CORO7: variants seen among roughly 807,000 people sequenced by gnomAD.
CORO7 encodes coronin-7.
In CORO7, 107 loss-of-function variants were observed where a neutral mutation model predicts 126.6. The ratio of observed to expected loss-of-function variants is 0.85; its 90% CI spans 0.72 to 0.99. CORO7 has a LOEUF of 0.99. CORO7 is among the 50% of genes least tolerant of loss of function. The pLI is 0.00. For missense variants in CORO7, 1,314 were observed against 1,255.8 expected, an observed-to-expected ratio of 1.05 and a Z score of -0.70; for synonymous variants, 603 against 536.8, an observed-to-expected ratio of 1.12 and a Z score of -1.70.
chr16:4,360,431 C>T lies in CORO7; in HGVS notation c.2022+13G>A. 6.2e-7 allele frequency: 1 copy of T among 1,612,944 alleles called. No individual in the cohort carries two copies. The highest frequency in any genetic ancestry group is 8.5e-7 in the Non-Finnish European group (1 of 1,179,862). ...CCAGGTCTGAGGCCACTCCCCAGCC[C>T]CTGTGTGCTCACCTGCAGGGGCTCA... On this transcript the variant is annotated intron_variant, in intron 20 of 27. Coordinates refer to ENST00000251166, the MANE Select transcript of CORO7 (RefSeq NM_024535.5).
chr16:4,355,289 C>G lies in CORO7; in HGVS notation c.2769G>C (p.Glu923Asp), dbSNP rs761547642. ...QDSFEGVDED[E>D]WD ...AGTGAGGCCACTCACTACTCACCCA[C>G]TCGTCCTCGTCCACGCCTTCAAAGG... The change falls in exon 27 of 28, where the codon GAG (glutamate) becomes GAC (aspartate). Residue 923 changes from glutamate (E) to aspartate (D), a missense_variant. Coordinates refer to ENST00000251166, the MANE Select transcript of CORO7 (RefSeq NM_024535.5). 6.2e-7 allele frequency: 1 copy of G among 1,613,464 alleles called. No individual in the cohort carries two copies. The highest frequency in any genetic ancestry group is 8.5e-7 in the Non-Finnish European group (1 of 1,179,928).
intron 1 of CORO7, among the ~76,000 whole-genome samples, chr16:4,414,720 G>A (rs899366730): frequency 1.3e-5 from 2 of 152,144 alleles, no homozygotes; most frequent in African/African-American, 2.4e-5. Flanking sequence ...ATCTGTTTAT[G>A]TTGCTGGACT....
intron 9 of CORO7, among the ~76,000 whole-genome samples, chr16:4,369,877 G>A (rs528307654): frequency 4.6e-5 from 7 of 152,056 alleles, no homozygotes; most frequent in Admixed American, 2.0e-4. Flanking sequence ...CCCCCGCTGT[G>A]TGCAGACTGC....
Position 4,354,978 on chromosome 16 carries a change from T to G in CORO7, c.*180A>C. 32 of 567,310 alleles carry G rather than the reference T, an allele frequency of 5.6e-5. No individual in the cohort carries two copies. The highest frequency in any genetic ancestry group is 2.2e-4 in the East Asian group (7 of 31,458). 35.1% of individuals were successfully genotyped at this position (567,310 alleles called of 1,614,324 possible). ...CAGCTGACCCCAGAGACAGCAGAGG[T>G]GAAAACAGTCCCTGGGAACTGCCAG... On this transcript the variant is annotated 3_prime_UTR_variant, in exon 28 of 28. Coordinates refer to ENST00000251166, the MANE Select transcript of CORO7 (RefSeq NM_024535.5).
At chr16:4,358,248 G>A in intron 24 of CORO7, 119 bp downstream of exon 24, 1 of 1,528,890 alleles carries the variant, frequency 6.5e-7, no homozygotes, top group East Asian at 2.3e-5. Flanking sequence ...GCAGAAGGGG[G>A]TAGGTGTCCC....
chr16:4,412,084 G>T (rs1271698124), intron 3 of CORO7, among the ~76,000 whole-genome samples: 1 of 151,976 alleles, frequency 6.6e-6, no homozygotes, highest in Non-Finnish European at 1.5e-5. Context: ...CAGGGAGCCA[G>T]CATCAGCCTG....
intron 2 of CORO7, chr16:4,412,869 T>G (rs2141336040): frequency 4.5e-6 from 1 of 221,080 alleles, no homozygotes; most frequent in East Asian, 1.1e-4. Flanking sequence ...TTAGTTAGGC[T>G]GAAACATTAT....
At chr16:4,410,336 G>A (rs1006408914) in intron 3 of CORO7, among the ~76,000 whole-genome samples, 3 of 152,066 alleles carry the variant, frequency 2.0e-5, no homozygotes, top group Non-Finnish European at 4.4e-5. Context: ...GAGGATAGAC[G>A]ATCCCTTGAG....
chr16:4,395,311 C>T lies in CORO7; in HGVS notation c.593G>A (p.Arg198Lys). ...KDKQLRIFDP[R>K]TKPRASQSTQ... Reference sequence around the variant, plus strand: ...CACCTGAGAGGCCCGCGGCTTTGTTCTGGGGTCAAAGATCCGCAGCTGCTT... The same window carrying T: ...CACCTGAGAGGCCCGCGGCTTTGTTTTGGGGTCAAAGATCCGCAGCTGCTT... Residue 198 changes from arginine (R) to lysine (K), a missense_variant, in exon 7 of 28, where the codon AGA (arginine) becomes AAA (lysine). Coordinates refer to ENST00000251166, the MANE Select transcript of CORO7 (RefSeq NM_024535.5). 1 of 1,614,082 alleles carries T rather than the reference C, an allele frequency of 6.2e-7. No homozygotes were observed. The highest frequency in any genetic ancestry group is 8.5e-7 in the Non-Finnish European group (1 of 1,180,020).
rs147804967 is a variant in CORO7, at chr16:4,396,870, G to T, written c.565-1531C>A. Among the ~76,000 whole-genome samples the T allele has an allele frequency of 1.1e-3, 170 of 151,798 alleles. 1 individual carries two copies. Among genetic ancestry groups the T allele is most frequent in the African/African-American group, 4.0e-3 (166 of 41,364 alleles). On this transcript the variant is annotated intron_variant, in intron 6 of 27. Coordinates refer to ENST00000251166, the MANE Select transcript of CORO7 (RefSeq NM_024535.5). ...GTTTCTACTGAAAATAAAAAAATTAGCCGGGCATGGTGGCAGGCACCTGTA... is the reference window on the plus strand; with the variant it reads ...GTTTCTACTGAAAATAAAAAAATTATCCGGGCATGGTGGCAGGCACCTGTA...
At position 4,355,375 on chromosome 16, in the gene CORO7, G is replaced by A. The variant is rs370101157; in HGVS notation, c.2686-3C>T. ...TTTGCCACCATGGCATTCAGCAGCT[G>A]GGAGAGAGGGCAGAAGAAGGGTAGG... On this transcript the variant is annotated splice_region_variant and splice_polypyrimidine_tract_variant and intron_variant, in intron 26 of 27. Coordinates refer to ENST00000251166, the MANE Select transcript of CORO7 (RefSeq NM_024535.5). 3 of 1,608,010 alleles carry A rather than the reference G, an allele frequency of 1.9e-6. No individual in the cohort carries two copies. In the African/African-American group the frequency reaches 4.0e-5, roughly 21 times the overall value.
intron 19 of CORO7, 54 bp downstream of exon 19, chr16:4,360,889 C>T (rs2054155279): frequency 7.0e-7 from 1 of 1,427,074 alleles, no homozygotes; most frequent in Non-Finnish European, 9.2e-7. Flanking sequence ...CACCTCTCCA[C>T]ACTGCTGGCC....
At chr16:4,413,888 G>C (rs1235723981) in intron 1 of CORO7, among the ~76,000 whole-genome samples, 1 of 151,188 alleles carries the variant, frequency 6.6e-6, no homozygotes, top group African/African-American at 2.4e-5. Context: ...AAGTCCCTTA[G>C]GAAATGTAAA....
intron 2 of CORO7, 114 bp downstream of exon 2, chr16:4,413,194 G>C (rs534465871): frequency 1.8e-6 from 2 of 1,113,996 alleles, no homozygotes; most frequent in African/African-American, 3.1e-5. Flanking sequence ...GCCCCCCAAA[G>C]CAGTTCCGTT....
chr16:4,414,016 A>C (rs1213560463), intron 1 of CORO7, among the ~76,000 whole-genome samples: 4 of 151,352 alleles, frequency 2.6e-5, no homozygotes, highest in East Asian at 2.0e-4. Flanking sequence ...GTGAAACCTT[A>C]TCTCTACTAA....
Position 4,362,822 on chromosome 16 carries a change from A to G in CORO7, c.1276-84T>C. 7.9e-7 allele frequency: 1 copy of G among 1,260,920 alleles called. No individual in the cohort carries two copies. 78.1% of individuals were successfully genotyped at this position (1,260,920 alleles called of 1,614,324 possible). A position where few individuals can be genotyped will look rare whatever the true frequency, so the allele number is the denominator to read the frequency against. On this transcript the variant is annotated intron_variant, in intron 14 of 27. Transcript: ENST00000251166. This position sits in a 1 kb window ranked among gnomAD's most constrained non-coding sequence, Gnocchi z 5.3. ...GGTGCCAGCGGACTCCAGGGTCACC[A>G]CTCTGGGCCCCCTGCGGACTGGAGG...
chr16:4,368,673 G>A (rs1440746568), intron 9 of CORO7, among the ~76,000 whole-genome samples: 3 of 151,690 alleles, frequency 2.0e-5, no homozygotes, highest in Non-Finnish European at 2.9e-5. Context: ...ACTTGAACCC[G>A]GGAGGCGGAG....
At chr16:4,378,964 C>T (rs1266764952) in intron 9 of CORO7, among the ~76,000 whole-genome samples, 4 of 152,052 alleles carry the variant, frequency 2.6e-5, no homozygotes, top group Non-Finnish European at 5.9e-5. Flanking sequence ...GTGGGCCCAA[C>T]CCCGGGGACA....
intron 7 of CORO7, among the ~76,000 whole-genome samples, chr16:4,394,920 G>A (rs2055529280): frequency 6.6e-6 from 1 of 152,256 alleles, no homozygotes; most frequent in Non-Finnish European, 1.5e-5. Context: ...TCTTCCTGCA[G>A]AGGACAGGGG....
Sources: allele counts gnomAD v4.1 joint callset (sites outside exome capture counted in the v4.1 genomes callset), GRCh38; gene constraint gnomAD v4.1.1; non-coding constraint Gnocchi (gnomAD v3.1); transcripts MANE v1.5; gene names NCBI Gene and HGNC (gene_info 2026-07-23, HGNC 2026-07-21).